Variants in PDE6C observed in about 807,000 individuals in gnomAD.
The protein encoded by PDE6C is cone cGMP-specific 3',5'-cyclic phosphodiesterase subunit alpha'.
A neutral mutation model predicts 113.1 loss-of-function variants in PDE6C; 75 were observed. That is an observed-to-expected ratio of 0.66 (90% CI 0.55 to 0.80). PDE6C has a LOEUF of 0.80. Among genes scored for constraint, PDE6C ranks in the 30% least tolerant of loss-of-function variants. The probability of loss-of-function intolerance (pLI) is 0.00; values close to 1 mark genes in which losing one functional copy is unlikely to be tolerated. For synonymous variants in PDE6C, 375 were observed against 363.7 expected, an observed-to-expected ratio of 1.03 and a Z score of -0.35; for missense variants, 912 against 1,038.6, an observed-to-expected ratio of 0.88 and a Z score of 1.67.
At chr10:93,627,957 G>A (rs1030069657) in intron 7 of PDE6C, among the ~76,000 whole-genome samples, 2 of 152,200 alleles carry the variant, frequency 1.3e-5, no homozygotes, top group Admixed American at 6.5e-5. Context: ...GGCAGGCAGA[G>A]TTTGGTGAGG....
At chr10:93,622,714 A>G (rs1434672681) in intron 4 of PDE6C, among the ~76,000 whole-genome samples, 1 of 139,984 alleles carries the variant, frequency 7.1e-6, no homozygotes, top group African/African-American at 2.7e-5. Flanking sequence ...CCAGAATGCC[A>G]TATAGTTGGA....
In PDE6C at chr10:93,622,855, T is replaced by C. The variant is rs975552587; in HGVS notation, c.864+783T>C. On this transcript the variant is annotated intron_variant, in intron 4 of 21. Transcript: ENST00000371447. The stretch of plus-strand genomic sequence containing the variant: ...GAATAATATTCCACTGTATGGCAGG[T>C]TTGTGTATCCATTCACCTGTTGAAG... Among the ~76,000 whole-genome samples the C allele has an allele frequency of 1.8e-4, 28 of 152,160 alleles. No homozygotes were observed. In the East Asian group the frequency reaches 5.2e-3, roughly 28 times the overall value.
intron 21 of PDE6C, among the ~76,000 whole-genome samples, chr10:93,663,601 C>T (rs1417823455): frequency 6.6e-6 from 1 of 152,136 alleles, no homozygotes; most frequent in Non-Finnish European, 1.5e-5. Flanking sequence ...TATTCTTCTC[C>T]ATGTAATGAG....
intron 1 of PDE6C, among the ~76,000 whole-genome samples, chr10:93,620,430 G>A (rs1589692934): frequency 2.6e-5 from 4 of 152,234 alleles, no homozygotes; most frequent in East Asian, 3.9e-4. Context: ...GGTTGGCAGC[G>A]CTTATTCTGA....
At chr10:93,638,559 G>A (rs2058544728) in intron 11 of PDE6C, among the ~76,000 whole-genome samples, 1 of 152,162 alleles carries the variant, frequency 6.6e-6, no homozygotes, top group African/African-American at 2.4e-5. Context: ...AGGATCTTAT[G>A]TTGTAGAAGC....
chr10:93,654,296 C>T (rs1327213966), intron 15 of PDE6C, among the ~76,000 whole-genome samples: 1 of 152,160 alleles, frequency 6.6e-6, no homozygotes, highest in East Asian at 1.9e-4. Flanking sequence ...AGGAAATGAA[C>T]CTGGGTTCCC....
intron 14 of PDE6C, among the ~76,000 whole-genome samples, chr10:93,642,797 G>T (rs769437991): frequency 6.6e-6 from 1 of 152,170 alleles, no homozygotes; most frequent in East Asian, 1.9e-4. Flanking sequence ...TAATTTCATT[G>T]AGCGAAAAGC....
In PDE6C at chr10:93,637,100, T is replaced by C. The variant is rs1166376862; in HGVS notation, c.1482+37T>C. On this transcript the variant is annotated intron_variant, in intron 11 of 21. Coordinates refer to ENST00000371447, the MANE Select transcript of PDE6C (RefSeq NM_006204.4). ...CTTTCTAACCTTAATGCCTGTTAAA[T>C]AGAGGCATTATAAATCAATAATATA... 3 of 1,014,648 alleles carry C rather than the reference T, an allele frequency of 3.0e-6. No individual in the cohort carries two copies. The African/African-American group carries it at 4.7e-5, about 16-fold the overall frequency. 62.9% of individuals were successfully genotyped at this position (1,014,648 alleles called of 1,614,324 possible).
In PDE6C at chr10:93,665,662, G is replaced by A. The variant is rs1315570907; in HGVS notation, c.*244G>A. The A allele has an allele frequency of 2.0e-6, 1 of 510,474 alleles. No homozygotes were observed. Among genetic ancestry groups the A allele is most frequent in the Non-Finnish European group, 3.5e-6 (1 of 285,226 alleles). The allele number at this position is 510,474 out of a possible 1,614,324, so 31.6% of individuals were successfully genotyped here. On this transcript the variant is annotated 3_prime_UTR_variant, in exon 22 of 22. Coordinates refer to ENST00000371447, the MANE Select transcript of PDE6C (RefSeq NM_006204.4). ...CAATTTATTTTAAATTAAAAAATAT[G>A]CAATCCTGAAACTAGTCACAAATTC...
intron 11 of PDE6C, 31 bp downstream of exon 11, chr10:93,637,094 G>C (rs775571884): frequency 1.0e-5 from 11 of 1,068,560 alleles, no homozygotes; most frequent in Admixed American, 1.7e-5. Flanking sequence ...CTTAATGCCT[G>C]TTAAATAGAG....
At chr10:93,665,255 G>T in intron 21 of PDE6C, 105 bp from the exon 22 acceptor site, 1 of 880,108 alleles carries the variant, frequency 1.1e-6, no homozygotes, top group South Asian at 1.3e-5. Flanking sequence ...AGGTTAAAAT[G>T]ACTAATTAGT....
chr10:93,619,275 T>A (rs984718455), intron 1 of PDE6C, among the ~76,000 whole-genome samples: 2 of 152,166 alleles, frequency 1.3e-5, no homozygotes, highest in Non-Finnish European at 2.9e-5. Context: ...AGATCCACTT[T>A]CCTCTCTCCC....
intron 14 of PDE6C, among the ~76,000 whole-genome samples, chr10:93,644,892 G>T (rs1383481560): frequency 2.1e-4 from 3 of 14,462 alleles, no homozygotes; most frequent in Non-Finnish European, 1.4e-3. Context: ...TATTTATATA[G>T]TATATATAGT....
chr10:93,613,171 C>G lies in PDE6C; in HGVS notation c.446C>G (p.Thr149Arg). Residue 149 changes from threonine to arginine, a missense_variant, in exon 1 of 22, where the codon ACG becomes AGG. Transcript: ENST00000371447. ...DIGIVGWAAHTKKTHNVPDVK... is the reference protein window; with the variant it reads ...DIGIVGWAAHRKKTHNVPDVK... ...GGGATAGTGGGTTGGGCTGCTCACACGAAGAAAACTCATAATGTCCCAGAT... is the reference window on the plus strand; with the variant it reads ...GGGATAGTGGGTTGGGCTGCTCACAGGAAGAAAACTCATAATGTCCCAGAT... 1 of 1,613,798 alleles carries G rather than the reference C, an allele frequency of 6.2e-7. No individual in the cohort carries two copies. Among genetic ancestry groups the G allele is most frequent in the Non-Finnish European group, 8.5e-7 (1 of 1,180,028 alleles).
chr10:93,627,752 C>A (rs1417632547), intron 7 of PDE6C, among the ~76,000 whole-genome samples: 2 of 152,126 alleles, frequency 1.3e-5, no homozygotes, highest in African/African-American at 4.8e-5. Flanking sequence ...GGGTGCTCAG[C>A]CCATCAAATG....
Position 93,645,981 on chromosome 10 carries a change from A to G in PDE6C, c.1869A>G (p.Arg623=), listed in dbSNP as rs138461172. 133 of 1,606,274 alleles carry G rather than the reference A, an allele frequency of 8.3e-5. No homozygotes were observed. The African/African-American group carries it at 1.4e-3, about 17-fold the overall frequency. Residue 623 remains arginine, a synonymous_variant, in exon 15 of 22, where the codon AGA becomes AGG. Coordinates refer to ENST00000371447, the MANE Select transcript of PDE6C (RefSeq NM_006204.4). ...YQMKSTSPLA[R]LHGSSILERH... is the part of the protein sequence containing the mutation. ...CTAGATCCACGTCTCCATTAGCAAG[A>G]CTTCATGGTTCTTCTATTTTGGAGA...
chr10:93,622,312 G>A (rs962698567), intron 4 of PDE6C, among the ~76,000 whole-genome samples: 1 of 151,080 alleles, frequency 6.6e-6, no homozygotes, highest in African/African-American at 2.4e-5. Flanking sequence ...TTAATTAATA[G>A]ACTATTTTTA....
chr10:93,640,883 T>C (rs757600862), intron 13 of PDE6C, 37 bp from the exon 14 acceptor site: 2 of 1,310,466 alleles, frequency 1.5e-6, no homozygotes, highest in Non-Finnish European at 2.2e-6. Context: ...TTAATTCAAA[T>C]AAATTATAGA....
chr10:93,642,107 TATAATCC>T, intron 14 of PDE6C, among the ~76,000 whole-genome samples: 1 of 152,324 alleles, frequency 6.6e-6, no homozygotes, highest in African/African-American at 2.4e-5. Flanking sequence ...GGCTCACGCC[TATAATCC>T]CAGCACTTTG....
Sources: allele counts gnomAD v4.1 joint callset (sites outside exome capture counted in the v4.1 genomes callset), GRCh38; gene constraint gnomAD v4.1.1; transcripts MANE v1.5; gene names NCBI Gene and HGNC (gene_info 2026-07-23, HGNC 2026-07-21).